ELMO1: variants seen among roughly 807,000 people sequenced by gnomAD.
ELMO1 encodes engulfment and cell motility 1, also known as engulfment and cell motility protein 1.
In ELMO1, 26 loss-of-function variants were observed where a neutral mutation model predicts 98.9. The observed-to-expected ratio is 0.26, with a 90% CI of 0.19 to 0.36. The LOEUF is 0.36. Among genes scored for constraint, ELMO1 ranks in the 10% least tolerant of loss-of-function variants. The pLI is 1.00. For synonymous variants in ELMO1, 346 were observed against 346.0 expected (o/e 1.00, Z 0.00); for missense variants, 627 against 935.2 (o/e 0.67, Z 4.30).
At chr7:37,276,424 C>T (rs749505516) in intron 4 of ELMO1, among the ~76,000 whole-genome samples, 17 of 152,148 alleles carry the variant, frequency 1.1e-4, no homozygotes, top group Middle Eastern at 6.8e-3. Context: ...CTGGCTAACA[C>T]GGTGAAACCC....
At chr7:37,233,485 T>C (rs960099246) in intron 7 of ELMO1, among the ~76,000 whole-genome samples, 1 of 152,194 alleles carries the variant, frequency 6.6e-6, no homozygotes, top group African/African-American at 2.4e-5. Flanking sequence ...GGCAATTCAC[T>C]GACCCTGCCT....
At chr7:37,098,030 A>C (rs1784449170) in intron 14 of ELMO1, among the ~76,000 whole-genome samples, 1 of 152,232 alleles carries the variant, frequency 6.6e-6, no homozygotes, top group Non-Finnish European at 1.5e-5. Context: ...AAAACTCTCA[A>C]GTTATGGAAC....
chr7:37,149,202 G>C (rs541865869), intron 13 of ELMO1, among the ~76,000 whole-genome samples: 2 of 152,278 alleles, frequency 1.3e-5, no homozygotes, highest in Non-Finnish European at 2.9e-5. Context: ...CCTAGCATAG[G>C]GCTGCAGCAC....
intron 1 of ELMO1, among the ~76,000 whole-genome samples, chr7:37,399,637 A>G (rs1407211669): frequency 1.3e-5 from 2 of 152,224 alleles, no homozygotes; most frequent in African/African-American, 4.8e-5. Flanking sequence ...AATGCATGAC[A>G]TCGGCCTCCA....
intron 13 of ELMO1, among the ~76,000 whole-genome samples, chr7:37,208,293 C>T (rs993392206): frequency 6.6e-6 from 1 of 152,170 alleles, no homozygotes; most frequent in Non-Finnish European, 1.5e-5. Flanking sequence ...CATGCCCAAA[C>T]AGGTTAAATG....
intron 16 of ELMO1, among the ~76,000 whole-genome samples, chr7:36,956,506 G>C (rs544933189): frequency 2.8e-4 from 43 of 152,102 alleles, no homozygotes; most frequent in Non-Finnish European, 5.7e-4. Context: ...CATGTTATAT[G>C]TTTGTAAAGG....
intron 1 of ELMO1, among the ~76,000 whole-genome samples, chr7:37,345,354 G>T (rs1484483619): frequency 6.6e-6 from 1 of 152,040 alleles, no homozygotes. Context: ...GTGTGGGAGG[G>T]GCAGGAATAC....
chr7:37,331,404 G>C (rs999482452), intron 2 of ELMO1, among the ~76,000 whole-genome samples: 4 of 131,706 alleles, frequency 3.0e-5, no homozygotes, highest in Admixed American at 8.9e-5. Context: ...GGATGGTCTC[G>C]ATCTCCTGAC....
intron 13 of ELMO1, among the ~76,000 whole-genome samples, chr7:37,175,265 T>C (rs1790440681): frequency 6.6e-6 from 1 of 152,222 alleles, no homozygotes; most frequent in African/African-American, 2.4e-5. Flanking sequence ...ACGGGCTTCA[T>C]AGCAAGCTGT....
chr7:36,941,095 T>G (rs1328319822), intron 16 of ELMO1, among the ~76,000 whole-genome samples: 1 of 152,246 alleles, frequency 6.6e-6, no homozygotes, highest in Non-Finnish European at 1.5e-5. Context: ...ATGTATTACA[T>G]TCTTTGGATA....
At chr7:37,045,919 T>C (rs766699182) in intron 15 of ELMO1, among the ~76,000 whole-genome samples, 1 of 152,312 alleles carries the variant, frequency 6.6e-6, no homozygotes, top group East Asian at 1.9e-4. Flanking sequence ...AAGGATAGCC[T>C]TCCTAGGTAG....
In ELMO1 at chr7:37,013,322, C is replaced by T. The variant is rs1793688641; in HGVS notation, c.1414G>A (p.Ala472Thr). Residue 472 changes from alanine (A) to threonine (T), a missense_variant, in exon 16 of 22, where the codon GCA becomes ACA. By Grantham distance (58) the Ala-to-Thr change is moderately conservative. Transcript: ENST00000310758. ...LLNKTWKEMR[A>T]TSEDFNKVMQ... ...ACCTTGTTGAAGTCTTCAGAAGTTG[C>T]CCTCATTTCCTTCCATGTCTTGTTC... 6.2e-7 allele frequency: 1 copy of T among 1,613,964 alleles called. No individual in the cohort carries two copies. Among genetic ancestry groups the T allele is most frequent in the Non-Finnish European group, 8.5e-7 (1 of 1,179,990 alleles).
chr7:37,230,903 G>A (rs1794134853), intron 8 of ELMO1, among the ~76,000 whole-genome samples: 1 of 152,112 alleles, frequency 6.6e-6, no homozygotes. Flanking sequence ...CACCAAAGGT[G>A]GCAGGAAAGT....
chr7:36,888,762 C>A (rs1805269635), intron 17 of ELMO1, among the ~76,000 whole-genome samples: 1 of 152,206 alleles, frequency 6.6e-6, no homozygotes, highest in African/African-American at 2.4e-5. Context: ...GTAGTCAAGG[C>A]TCACACATTC....
chr7:37,278,285 A>G (rs1239304203), intron 4 of ELMO1, among the ~76,000 whole-genome samples: 1 of 152,048 alleles, frequency 6.6e-6, no homozygotes, highest in African/African-American at 2.4e-5. Context: ...ACTTGACTTT[A>G]AGTAAGAGAG....
At chr7:37,182,877 C>A (rs1790971378) in intron 13 of ELMO1, among the ~76,000 whole-genome samples, 1 of 152,082 alleles carries the variant, frequency 6.6e-6, no homozygotes, top group African/African-American at 2.4e-5. Flanking sequence ...GGTGGAGGGG[C>A]CCTCATAGGT....
At chr7:37,085,047 C>A (rs907706190) in intron 15 of ELMO1, among the ~76,000 whole-genome samples, 1 of 152,144 alleles carries the variant, frequency 6.6e-6, no homozygotes, top group Non-Finnish European at 1.5e-5. Flanking sequence ...GTAAGCCATC[C>A]TGCCCAGCCA....
At chr7:37,183,672 T>C (rs1288895020) in intron 13 of ELMO1, among the ~76,000 whole-genome samples, 1 of 152,096 alleles carries the variant, frequency 6.6e-6, no homozygotes, top group Admixed American at 6.5e-5. Flanking sequence ...CCATAGTCTA[T>C]GTCCCCCACC....
intron 1 of ELMO1, among the ~76,000 whole-genome samples, chr7:37,417,362 T>TA (rs1240847913): frequency 1.3e-5 from 2 of 152,076 alleles, no homozygotes; most frequent in Non-Finnish European, 1.5e-5. Context: ...AGATGTCTAC[T>TA]AAAAAAATGC....
Sources: allele counts gnomAD v4.1 joint callset (sites outside exome capture counted in the v4.1 genomes callset), GRCh38; gene constraint gnomAD v4.1.1; transcripts MANE v1.5; gene names NCBI Gene and HGNC (gene_info 2026-07-23, HGNC 2026-07-21).